RABEP1: variants seen among roughly 807,000 people sequenced by gnomAD.
RABEP1 encodes the protein rab GTPase-binding effector protein 1.
A neutral mutation model predicts 123.4 loss-of-function variants in RABEP1; 51 were observed. The ratio of observed to expected loss-of-function variants is 0.41; its 90% CI spans 0.33 to 0.52. The LOEUF is 0.52. Ranked by LOEUF, RABEP1 falls within the 20% of genes least tolerant of loss-of-function variation. The pLI, the probability that RABEP1 is intolerant of heterozygous loss-of-function variation, is 0.16. For missense variants in RABEP1, 888 were observed against 996.3 expected (o/e 0.89, Z 1.46); for synonymous variants, 347 against 355.2 (o/e 0.98, Z 0.26).
At chr17:5,378,493 G>A in intron 15 of RABEP1, 2 of 541,842 alleles carry the variant, frequency 3.7e-6, no homozygotes, top group South Asian at 2.0e-5. Flanking sequence ...TGAGAAGATA[G>A]GCAAGGCATG....
chr17:5,332,896 C>T (rs1429368512), intron 3 of RABEP1, among the ~76,000 whole-genome samples: 1 of 152,068 alleles, frequency 6.6e-6, no homozygotes, highest in Non-Finnish European at 1.5e-5. Flanking sequence ...ATGTGTGAGC[C>T]ACAGCGCCTG....
chr17:5,313,066 C>T (rs1171119510), intron 2 of RABEP1, among the ~76,000 whole-genome samples: 3 of 152,096 alleles, frequency 2.0e-5, no homozygotes, highest in East Asian at 1.9e-4. Context: ...GCCAAGATCG[C>T]GCCACTGCAC....
At chr17:5,299,762 TC>T (rs2075119787) in intron 1 of RABEP1, among the ~76,000 whole-genome samples, 1 of 135,848 alleles carries the variant, frequency 7.4e-6, no homozygotes, top group African/African-American at 2.8e-5. Context: ...GCAGAGTCTC[TC>T]CTTGTCGCCA....
intron 7 of RABEP1, among the ~76,000 whole-genome samples, chr17:5,351,100 G>A (rs1567538412): frequency 6.6e-6 from 1 of 151,982 alleles, no homozygotes; most frequent in African/African-American, 2.4e-5. Flanking sequence ...AGCCAAGACA[G>A]TTCTTCTTCA....
intron 2 of RABEP1, among the ~76,000 whole-genome samples, chr17:5,309,916 CTG>C (rs1323840122): frequency 6.6e-6 from 1 of 152,292 alleles, no homozygotes; most frequent in African/African-American, 2.4e-5. Flanking sequence ...GAGTTAGAAA[CTG>C]TGGGATTTGG....
At chr17:5,329,641 A>G (rs1906328153) in intron 2 of RABEP1, among the ~76,000 whole-genome samples, 2 of 151,792 alleles carry the variant, frequency 1.3e-5, no homozygotes, top group African/African-American at 4.9e-5. Context: ...TGAAAATCTT[A>G]ATAATTACAT....
chr17:5,290,475 TA>T (rs1198823922), intron 1 of RABEP1, among the ~76,000 whole-genome samples: 1 of 152,072 alleles, frequency 6.6e-6, no homozygotes, highest in Non-Finnish European at 1.5e-5. Context: ...CTCTCTTGTT[TA>T]AAAAAAGGAC....
chr17:5,294,633 C>CTTTTTGTTTTTTTTT (rs2075063836), intron 1 of RABEP1, among the ~76,000 whole-genome samples: 1 of 53,024 alleles, frequency 1.9e-5, no homozygotes, highest in Non-Finnish European at 3.4e-5. Context: ...ACGGTATTGT[C>CTTTTTGTTTTTTTTT]TTTTTTTTTT....
intron 1 of RABEP1, among the ~76,000 whole-genome samples, chr17:5,298,187 C>T (rs2075100839): frequency 6.6e-6 from 1 of 152,178 alleles, no homozygotes; most frequent in Admixed American, 6.5e-5. Context: ...AAGAACTTTT[C>T]TTCTGATAAG....
chr17:5,380,374 C>A lies in RABEP1; in HGVS notation c.2282C>A (p.Thr761Lys). 1 of 1,565,308 alleles carries A rather than the reference C, an allele frequency of 6.4e-7. No homozygotes were observed. The highest frequency in any genetic ancestry group is 8.7e-7 in the Non-Finnish European group (1 of 1,153,224). Residue 761 changes from threonine to lysine, a missense_variant, in exon 16 of 18, where the codon ACA (threonine) becomes AAA (lysine). Transcript: ENST00000537505. ...IKVEKGQLES[T>K]LREKSQQLES... The stretch of plus-strand genomic sequence containing the variant: ...TTTCCTTTTTCACAGTTGGAGTCCA[C>A]ATTAAGAGAGAAGTCTCAACAGCTT...
intron 1 of RABEP1, among the ~76,000 whole-genome samples, chr17:5,295,288 C>T (rs1341468024): frequency 6.6e-6 from 1 of 151,364 alleles, no homozygotes; most frequent in Non-Finnish European, 1.5e-5. Flanking sequence ...TTGAGAGAGG[C>T]TTAGGCAGGA....
In RABEP1 at chr17:5,385,314, A is replaced by G. The variant is rs543289799; in HGVS notation, c.*2091A>G. The G allele has an allele frequency of 8.6e-6, 2 of 231,266 alleles. No homozygotes were observed. Among genetic ancestry groups the G allele is most frequent in the East Asian group, 1.2e-4 (2 of 16,264 alleles). 14.3% of individuals were successfully genotyped at this position (231,266 alleles called of 1,614,324 possible). Reference sequence around the variant, plus strand: ...AGGATTTAGCCCTTCTAGGCAAAAGAAAAGCTCAGTTGGGTTTCACGAGTG... The same window carrying G: ...AGGATTTAGCCCTTCTAGGCAAAAGGAAAGCTCAGTTGGGTTTCACGAGTG... On this transcript the variant is annotated 3_prime_UTR_variant, in exon 18 of 18. Transcript: ENST00000537505.
intron 12 of RABEP1, among the ~76,000 whole-genome samples, chr17:5,370,403 C>T (rs1678997296): frequency 6.6e-6 from 1 of 152,168 alleles, no homozygotes; most frequent in African/African-American, 2.4e-5. Context: ...CCAGTAAGTC[C>T]TTGATTACTT....
chr17:5,332,342 AACTT>A (rs1906628496), intron 3 of RABEP1, among the ~76,000 whole-genome samples, 190 bp downstream of exon 3: 3 of 152,368 alleles, frequency 2.0e-5, no homozygotes, highest in Middle Eastern at 3.4e-3. Context: ...AATCGTATCT[AACTT>A]AATAATGGAG....
chr17:5,373,219 G>A (rs1910667503), intron 12 of RABEP1, 95 bp from the exon 13 acceptor site: 1 of 1,197,864 alleles, frequency 8.3e-7, no homozygotes, highest in Non-Finnish European at 1.1e-6. Context: ...TCCATCCTCA[G>A]CACTCCTTTA....
rs1034538718 is a variant in RABEP1 at position 5,362,858 on chromosome 17, G to A, written c.1564-54G>A. 80 of 1,157,538 alleles carry A rather than the reference G, an allele frequency of 6.9e-5. 1 individual carries two copies. The Middle Eastern group carries it at 1.3e-3, about 19-fold the overall frequency. 71.7% of individuals were successfully genotyped at this position (1,157,538 alleles called of 1,614,324 possible). A position where few individuals can be genotyped will look rare whatever the true frequency, so the allele number is the denominator to read the frequency against. ...GTAAGACTATGCACGTGTACCTCAA[G>A]TGTGTGATGTAGAATTGTTTTGCCT... On this transcript the variant is annotated intron_variant, in intron 9 of 17. Transcript: ENST00000537505.
chr17:5,353,506 G>C (rs927977177), intron 7 of RABEP1, among the ~76,000 whole-genome samples: 2 of 152,026 alleles, frequency 1.3e-5, no homozygotes, highest in African/African-American at 4.8e-5. Flanking sequence ...CATTCCTTTT[G>C]TATTCATATA....
intron 13 of RABEP1, 151 bp downstream of exon 13, chr17:5,373,605 C>A: frequency 2.3e-6 from 2 of 859,924 alleles, no homozygotes; most frequent in Non-Finnish European, 3.4e-6. Flanking sequence ...GCTGTACTCA[C>A]AGATGTGTGC....
At chr17:5,374,849 G>A (rs905794782) in intron 13 of RABEP1, among the ~76,000 whole-genome samples, 19 of 152,102 alleles carry the variant, frequency 1.2e-4, no homozygotes, top group African/African-American at 4.6e-4. Context: ...TCACCACATT[G>A]GCTAGGCTGG....
Sources: gnomAD v4.1 joint callset for allele counts (sites outside exome capture counted in the v4.1 genomes callset) on GRCh38, gnomAD v4.1.1 for gene constraint, MANE v1.5 for transcripts, NCBI Gene and HGNC (gene_info 2026-07-23, HGNC 2026-07-21) for gene names.